The following PCDHA8 variants were observed in gnomAD, a reference collection of about 807,000 sequenced individuals.
PCDHA8 encodes the protein protocadherin alpha 8.
Under a neutral mutation model 61.8 loss-of-function variants are expected in PCDHA8, and 53 were observed. That is an observed-to-expected ratio of 0.86 (90% CI 0.69 to 1.08). The LOEUF (loss-of-function observed/expected upper bound fraction) is 1.08. Ranked by LOEUF, PCDHA8 falls within the 50% of genes least tolerant of loss-of-function variation. PCDHA8 has a pLI of 0.00. For missense variants in PCDHA8, 1,293 were observed against 1,245.0 expected, an observed-to-expected ratio of 1.04 and a Z score of -0.58; for synonymous variants, 618 against 556.6, an observed-to-expected ratio of 1.11 and a Z score of -1.55.
intron 3 of PCDHA8, among the ~76,000 whole-genome samples, chr5:141,004,899 C>A (rs898562164): frequency 4.6e-5 from 7 of 152,096 alleles, no homozygotes. Context: ...TCAGCTCTGC[C>A]AGGGTGTAAG....
chr5:140,927,171 C>G (rs1554204119), intron 1 of PCDHA8: 5 of 1,614,164 alleles, frequency 3.1e-6, no homozygotes. Context: ...AAGCTGCCTG[C>G]GTCTTGACCT....
intron 1 of PCDHA8, among the ~76,000 whole-genome samples, chr5:140,912,377 A>T (rs1202586249): frequency 1.3e-5 from 2 of 149,084 alleles, no homozygotes; most frequent in Admixed American, 6.7e-5. Context: ...TGTAAAAGGG[A>T]TTGAGTTCTT....
intron 1 of PCDHA8, chr5:140,850,132 G>T (rs2150469208): frequency 6.3e-7 from 1 of 1,595,756 alleles, no homozygotes; most frequent in Non-Finnish European, 8.6e-7. Flanking sequence ...CCGCCTCTGG[G>T]CAGCAACGTG....
At chr5:140,909,634 T>G (rs2074616296) in intron 1 of PCDHA8, among the ~76,000 whole-genome samples, 1 of 152,176 alleles carries the variant, frequency 6.6e-6, no homozygotes, top group Non-Finnish European at 1.5e-5. Flanking sequence ...GTCTTCCTAT[T>G]TTGTCTTTTC....
In PCDHA8 at chr5:140,843,721, T is replaced by C. The variant is rs2150365557; in HGVS notation, c.2394+6T>C. 8 of 1,563,020 alleles carry C rather than the reference T, an allele frequency of 5.1e-6. 1 individual carries two copies. Among genetic ancestry groups the C allele is most frequent in the Non-Finnish European group, 7.0e-6 (8 of 1,139,046 alleles). On this transcript the variant is annotated splice_donor_region_variant and intron_variant, in intron 1 of 3. Coordinates refer to ENST00000531613, the MANE Select transcript of PCDHA8 (RefSeq NM_018911.3). ...ATGTTGATCATGGCCTCAAAGTAAG[T>C]CCATTTAAATTTAGAACTCATAAAT...
At position 140,863,955 on chromosome 5, in the gene PCDHA8, T is replaced by C. The variant is rs181544244; in HGVS notation, c.2394+20240T>C. 570 of 158,126 alleles carry C rather than the reference T, an allele frequency of 3.6e-3. 3 individuals carry two copies. The highest frequency in any genetic ancestry group is 0.014 in the Middle Eastern group (4 of 294). The allele number at this position is 158,126 out of a possible 1,614,324, so 9.8% of individuals were successfully genotyped here. ...GGCAGAGGTTGCGGTGAGCCTAGAT[T>C]AGGCCACTGCACTACAGCCTGGGAG... is the stretch of plus-strand genomic sequence containing the variant. On this transcript the variant is annotated intron_variant, in intron 1 of 3. Coordinates refer to ENST00000531613, the MANE Select transcript of PCDHA8 (RefSeq NM_018911.3).
chr5:140,899,584 G>A (rs2153464513), intron 1 of PCDHA8, among the ~76,000 whole-genome samples: 1 of 152,292 alleles, frequency 6.6e-6, no homozygotes, highest in African/African-American at 2.4e-5. Flanking sequence ...CGGTTTGCCA[G>A]TATTTTATTG....
chr5:140,903,540 A>G (rs531687543), intron 1 of PCDHA8, among the ~76,000 whole-genome samples: 46 of 152,352 alleles, frequency 3.0e-4, no homozygotes, highest in African/African-American at 9.9e-4. Flanking sequence ...AACTAGAGCA[A>G]GAAACTTTTC....
At chr5:140,951,626 C>G (rs1182328214) in intron 1 of PCDHA8, among the ~76,000 whole-genome samples, 1 of 152,180 alleles carries the variant, frequency 6.6e-6, no homozygotes, top group East Asian at 1.9e-4. Context: ...AAGGGGGAAA[C>G]CTGCCCCATG....
At chr5:140,850,194 A>G (rs1581216724) in intron 1 of PCDHA8, 2 of 1,592,988 alleles carry the variant, frequency 1.3e-6, no homozygotes, top group East Asian at 2.3e-5. Context: ...GGCGCTGCTG[A>G]CACCTCGGAT....
intron 1 of PCDHA8, chr5:140,882,277 T>C: frequency 1.9e-6 from 3 of 1,612,528 alleles, no homozygotes; most frequent in African/African-American, 1.3e-5. Flanking sequence ...CCATGCTGTC[T>C]TCCTGGCAAG....
chr5:140,891,589 C>T (rs1459113596), intron 1 of PCDHA8, among the ~76,000 whole-genome samples: 1 of 152,166 alleles, frequency 6.6e-6, no homozygotes, highest in East Asian at 1.9e-4. Context: ...TCTTATTACT[C>T]TATCCCATCT....
chr5:140,937,371 T>C (rs2153632940), intron 1 of PCDHA8, among the ~76,000 whole-genome samples: 1 of 152,314 alleles, frequency 6.6e-6, no homozygotes, highest in Non-Finnish European at 1.5e-5. Context: ...TCTTAATGTT[T>C]ATGTGTGTGT....
chr5:140,966,435 C>G (rs1554228292), intron 1 of PCDHA8: 5 of 423,758 alleles, frequency 1.2e-5, no homozygotes, highest in African/African-American at 1.0e-4. Context: ...GCCCTCCTAC[C>G]GCTCCCTTTC....
chr5:140,941,251 C>CT (rs1177440606), intron 1 of PCDHA8, among the ~76,000 whole-genome samples: 1 of 121,786 alleles, frequency 8.2e-6, no homozygotes, highest in Non-Finnish European at 1.8e-5. Context: ...TTCTTTCTTT[C>CT]TTTCTCTTTC....
chr5:140,849,830 G>T lies in PCDHA8; in HGVS notation c.2394+6115G>T. The T allele has an allele frequency of 1.3e-6, 2 of 1,598,574 alleles. 1 individual carries two copies. Among genetic ancestry groups the T allele is most frequent in the Admixed American group, 3.4e-5 (2 of 59,342 alleles). On this transcript the variant is annotated intron_variant, in intron 1 of 3. Coordinates refer to ENST00000531613, the MANE Select transcript of PCDHA8 (RefSeq NM_018911.3). ...CCACGGCCAGGGTGTCTGTGGAGGT[G>T]GCCGACGTGAACGACAACGCACCAG...
chr5:140,968,594 A>G (rs1218717024), intron 1 of PCDHA8: 3 of 1,614,176 alleles, frequency 1.9e-6, no homozygotes, highest in Non-Finnish European at 2.5e-6. Flanking sequence ...AGTCATAGCT[A>G]TGGACTCAGA....
At chr5:140,917,637 A>T (rs1257346290) in intron 1 of PCDHA8, among the ~76,000 whole-genome samples, 1 of 152,192 alleles carries the variant, frequency 6.6e-6, no homozygotes, top group Non-Finnish European at 1.5e-5. Context: ...TTAGCTAGTT[A>T]TCCCAGCAAT....
In PCDHA8 at chr5:140,844,228, G is replaced by A. The variant is rs1179181710; in HGVS notation, c.2394+513G>A. The stretch of plus-strand genomic sequence containing the variant: ...TCTGGTAGTCACAAATATCTTTGGT[G>A]TTTCACTATTGCCGTTTTAAGCAGT... On this transcript the variant is annotated intron_variant, in intron 1 of 3. Transcript: ENST00000531613. Among the ~76,000 whole-genome samples the A allele has an allele frequency of 2.0e-5, 3 of 149,332 alleles. 1 individual carries two copies. Among genetic ancestry groups the A allele is most frequent in the Non-Finnish European group, 3.0e-5 (2 of 66,778 alleles).
Sources: gnomAD v4.1 joint callset for allele counts (sites outside exome capture counted in the v4.1 genomes callset) on GRCh38, gnomAD v4.1.1 for gene constraint, MANE v1.5 for transcripts, NCBI Gene and HGNC (gene_info 2026-07-23, HGNC 2026-07-21) for gene names.